The following SLC27A2 variants were observed in gnomAD, a reference collection of about 807,000 sequenced individuals.
SLC27A2 encodes solute carrier family 27 member 2.
SLC27A2 carries 54 observed loss-of-function variants against 60.0 expected under a neutral mutation model. The observed-to-expected ratio is 0.90, with a 90% CI of 0.72 to 1.13. The LOEUF (loss-of-function observed/expected upper bound fraction) is 1.13, where lower values mean the gene tolerates loss of function less well. Among genes scored for constraint, SLC27A2 ranks in the 50% most tolerant of loss-of-function variants. The pLI, the probability that SLC27A2 is intolerant of heterozygous loss-of-function variation, is 0.00. For missense variants in SLC27A2, 739 were observed against 777.6 expected (o/e 0.95, Z 0.59); for synonymous variants, 297 against 297.6 (o/e 1.00, Z 0.02).
chr15:50,210,952 C>T (rs1376616309), intron 4 of SLC27A2, among the ~76,000 whole-genome samples: 1 of 152,130 alleles, frequency 6.6e-6, no homozygotes, highest in Non-Finnish European at 1.5e-5. Flanking sequence ...GGGAATCTCG[C>T]CCCCATCCCC....
chr15:50,182,517 A>T lies in SLC27A2; in HGVS notation c.90A>T (p.Ile30=). Residue 30 remains isoleucine (I), a synonymous_variant, in exon 1 of 10, where the codon ATA becomes ATT. Coordinates refer to ENST00000267842, the MANE Select transcript of SLC27A2 (RefSeq NM_003645.4). ...NLCCPYFFQD[I]GYFLKVAAVG... ...GCTGCCCATACTTCTTCCAGGACAT[A>T]GGCTACTTCTTGAAGGTGGCCGCCG... 1.2e-6 allele frequency: 2 copies of T among 1,612,462 alleles called. No homozygotes were observed. Among genetic ancestry groups the T allele is most frequent in the South Asian group, 2.2e-5 (2 of 90,808 alleles).
chr15:50,232,374 T>C (rs2045321733), intron 8 of SLC27A2, among the ~76,000 whole-genome samples: 1 of 152,196 alleles, frequency 6.6e-6, no homozygotes, highest in African/African-American at 2.4e-5. Flanking sequence ...GAAATGTGGC[T>C]AGTGCAACTA....
chr15:50,197,850 G>T lies in SLC27A2; in HGVS notation c.688+141G>T, dbSNP rs561029377. On this transcript the variant is annotated intron_variant, in intron 2 of 9. Coordinates refer to ENST00000267842, the MANE Select transcript of SLC27A2 (RefSeq NM_003645.4). ...ATTTAGTTATTTGCCTGCGGGAACT[G>T]ATCTTATTTCATAGCATGTGATCCC... 14 of 633,498 alleles carry T rather than the reference G, an allele frequency of 2.2e-5. No homozygotes were observed. The South Asian group carries it at 2.7e-4, about 12-fold the overall frequency. The allele number at this position is 633,498 out of a possible 1,614,324, so 39.2% of individuals were successfully genotyped here.
chr15:50,215,785 A>T, intron 4 of SLC27A2, among the ~76,000 whole-genome samples: 1 of 152,198 alleles, frequency 6.6e-6, no homozygotes, highest in Non-Finnish European at 1.5e-5. Context: ...CTGGATTCTC[A>T]TCTCTCACCT....
rs559367193 is a variant in SLC27A2, at chr15:50,204,939, G to C, written c.848-300G>C. Among the ~76,000 whole-genome samples the C allele has an allele frequency of 8.8e-4, 128 of 146,024 alleles. 1 individual carries two copies. In the Middle Eastern group the frequency reaches 0.015, roughly 17 times the overall value. On this transcript the variant is annotated intron_variant, in intron 3 of 9. Coordinates refer to ENST00000267842, the MANE Select transcript of SLC27A2 (RefSeq NM_003645.4). ...ATATAATATAATATATATATATATT[G>C]CATGAAATCTCTTTCCCTCTCCCCT...
intron 4 of SLC27A2, among the ~76,000 whole-genome samples, chr15:50,215,167 C>T (rs1293818083): frequency 6.6e-6 from 1 of 152,026 alleles, no homozygotes; most frequent in East Asian, 1.9e-4. Context: ...TTCTATACAC[C>T]AACAGCGACC....
intron 7 of SLC27A2, among the ~76,000 whole-genome samples, chr15:50,228,158 A>G (rs2045290311): frequency 6.6e-6 from 1 of 152,140 alleles, no homozygotes; most frequent in Non-Finnish European, 1.5e-5. Flanking sequence ...CGGGTGGATC[A>G]CCTGAGGTCA....
intron 2 of SLC27A2, among the ~76,000 whole-genome samples, chr15:50,199,486 A>G (rs1211100476): frequency 6.6e-6 from 1 of 151,746 alleles, no homozygotes; most frequent in African/African-American, 2.4e-5. Flanking sequence ...TTAAAAAAAA[A>G]AAAAAAGAAA....
intron 4 of SLC27A2, among the ~76,000 whole-genome samples, chr15:50,217,245 GAAAAAT>G (rs1202791405): frequency 2.0e-5 from 3 of 152,146 alleles, no homozygotes; most frequent in Admixed American, 6.5e-5. Context: ...AGAACTTATG[GAAAAAT>G]AAAAATAAAT....
At chr15:50,199,258 A>C (rs1394549130) in intron 2 of SLC27A2, among the ~76,000 whole-genome samples, 1 of 151,726 alleles carries the variant, frequency 6.6e-6, no homozygotes, top group Non-Finnish European at 1.5e-5. Flanking sequence ...GCAGATCACG[A>C]GGTCAGGAGA....
intron 4 of SLC27A2, among the ~76,000 whole-genome samples, chr15:50,205,723 C>G (rs1020460122): frequency 3.9e-5 from 6 of 152,186 alleles, no homozygotes; most frequent in Admixed American, 1.3e-4. Flanking sequence ...AGTCATTACT[C>G]TTCTCCCCTA....
intron 1 of SLC27A2, among the ~76,000 whole-genome samples, chr15:50,187,879 A>G (rs115594109): frequency 0.011 from 1,633 of 152,196 alleles, 29 homozygotes; most frequent in African/African-American, 0.037. Context: ...AACCCTTGTC[A>G]TCCAAACTTT....
chr15:50,215,546 A>T, intron 4 of SLC27A2, among the ~76,000 whole-genome samples: 1 of 152,298 alleles, frequency 6.6e-6, no homozygotes, highest in South Asian at 2.1e-4. Context: ...GAGGCATTAC[A>T]TTACCCCACT....
At position 50,223,063 on chromosome 15, in the gene SLC27A2, C is replaced by T. The variant is rs750998520; in HGVS notation, c.1071C>T (p.Cys357=). The T allele has an allele frequency of 5.0e-5, 80 of 1,613,542 alleles. No individual in the cohort carries two copies. The highest frequency in any genetic ancestry group is 6.5e-5 in the Non-Finnish European group (77 of 1,179,656). ...RQFVKRFGDI[C]IYEFYAATEG... ...TTGTCAAGAGATTTGGGGACATATG[C>T]ATCTATGAGTTCTATGCTGCCACTG... The change falls in exon 5 of 10, where the codon TGC becomes TGT. Residue 357 remains cysteine, a synonymous_variant. Transcript: ENST00000267842.
At chr15:50,216,611 T>TGTGTGTGTGTGTGTATAG in intron 4 of SLC27A2, among the ~76,000 whole-genome samples, 1 of 5,036 alleles carries the variant, frequency 2.0e-4, no homozygotes, top group Non-Finnish European at 4.7e-4. Flanking sequence ...TGTGTGTGTG[T>TGTGTGTGTGTGTGTATAG]ATATATATAT....
chr15:50,234,517 G>A (rs570081693), intron 9 of SLC27A2, among the ~76,000 whole-genome samples: 1 of 150,624 alleles, frequency 6.6e-6, no homozygotes, highest in African/African-American at 2.5e-5. Context: ...AACCTAGGAG[G>A]AGGAGGTTGC....
intron 4 of SLC27A2, among the ~76,000 whole-genome samples, chr15:50,218,497 G>T (rs2045219040): frequency 6.6e-6 from 1 of 152,132 alleles, no homozygotes; most frequent in Non-Finnish European, 1.5e-5. Context: ...AAAAGAAATT[G>T]TGCCATGATG....
chr15:50,222,917 G>C (rs2045253292), intron 4 of SLC27A2, 48 bp from the exon 5 acceptor site: 1 of 1,405,776 alleles, frequency 7.1e-7, no homozygotes, highest in African/African-American at 1.4e-5. Flanking sequence ...TGTAAGCATA[G>C]GCTCCAGAGA....
intron 1 of SLC27A2, among the ~76,000 whole-genome samples, chr15:50,192,499 TTTA>T (rs1384820824): frequency 9.2e-5 from 14 of 152,224 alleles, no homozygotes; most frequent in Non-Finnish European, 1.9e-4. Context: ...TACATTTCCT[TTTA>T]TTATTAATTT....
Sources: allele counts gnomAD v4.1 joint callset (sites outside exome capture counted in the v4.1 genomes callset), GRCh38; gene constraint gnomAD v4.1.1; transcripts MANE v1.5; gene names NCBI Gene and HGNC (gene_info 2026-07-23, HGNC 2026-07-21).